Variants in HAUS8 observed in about 807,000 individuals in gnomAD.
The protein encoded by HAUS8 is HAUS augmin-like complex subunit 8.
In HAUS8, 38 loss-of-function variants were observed where a neutral mutation model predicts 42.9. The observed-to-expected ratio is 0.89, with a 90% CI of 0.68 to 1.16. The LOEUF (loss-of-function observed/expected upper bound fraction) is 1.16. Among genes scored for constraint, HAUS8 ranks in the 50% most tolerant of loss-of-function variants. The pLI is 0.00. For missense variants in HAUS8, 494 were observed against 511.6 expected, an observed-to-expected ratio of 0.97 and a Z score of 0.33; for synonymous variants, 199 against 205.8, an observed-to-expected ratio of 0.97 and a Z score of 0.28.
intron 9 of HAUS8, among the ~76,000 whole-genome samples, chr19:17,055,339 C>CAAAAAAAA (rs11315045): frequency 2.0e-5 from 1 of 49,494 alleles, no homozygotes; most frequent in African/African-American, 9.2e-5. Flanking sequence ...GATGCTGTCT[C>CAAAAAAAA]AAAAAAAAAA....
At chr19:17,069,135 A>G (rs1419693733) in intron 2 of HAUS8, 49 bp from the exon 3 acceptor site, 4 of 1,539,656 alleles carry the variant, frequency 2.6e-6, no homozygotes, top group South Asian at 2.3e-5. Flanking sequence ...AGGACCGAAG[A>G]CCCCACACAC....
rs145259544 is a variant in HAUS8, at chr19:17,057,830, G to A, written c.645+719C>T. ...CAAGTTAACATGAGGTGATAGGGGG[G>A]TTGTAGGGGGGATGCTAATCCAACA... is the stretch of plus-strand genomic sequence containing the variant. On this transcript the variant is annotated intron_variant, in intron 8 of 10. Transcript: ENST00000253669. Among the ~76,000 whole-genome samples, 1,017 of 152,286 alleles carry A rather than the reference G, an allele frequency of 6.7e-3. 5 individuals are homozygous for A. Among genetic ancestry groups the A allele is most frequent in the Middle Eastern group, 0.041 (12 of 294 alleles).
In HAUS8 at chr19:17,059,651, T is replaced by C. The variant is rs2057348177; in HGVS notation, c.326A>G (p.Asp109Gly). The C allele has an allele frequency of 1.9e-6, 3 of 1,608,992 alleles. No homozygotes were observed. The South Asian group carries it at 3.3e-5, about 18-fold the overall frequency. Residue 109 changes from aspartate (D) to glycine (G), a missense_variant and splice_region_variant, in exon 6 of 11, where the codon GAC (aspartate) becomes GGC (glycine). Asp to Gly is a moderately conservative substitution (Grantham distance 94). Transcript: ENST00000253669. ...TGGCGTCTTTTTGACGATGCTTTTG[T>C]CTAAGATAAAGCACAGCATTTTTAA... The part of the protein sequence containing the change: ...PPDLDLSAIN[D>G]KSIVKKTPQL...
chr19:17,071,479 G>A (rs946352619), intron 2 of HAUS8, among the ~76,000 whole-genome samples: 2 of 152,138 alleles, frequency 1.3e-5, no homozygotes, highest in African/African-American at 4.8e-5. Flanking sequence ...TGGGGTCCCA[G>A]GGACAACCAG....
At chr19:17,069,326 GAAGT>G (rs2123381318) in intron 2 of HAUS8, among the ~76,000 whole-genome samples, 1 of 152,106 alleles carries the variant, frequency 6.6e-6, no homozygotes, top group South Asian at 2.1e-4. Context: ...AGTTCCTGAG[GAAGT>G]AAGATCAAGG....
At chr19:17,072,757 T>A (rs1307946909) in intron 2 of HAUS8, among the ~76,000 whole-genome samples, 1 of 151,642 alleles carries the variant, frequency 6.6e-6, no homozygotes, top group Non-Finnish European at 1.5e-5. Context: ...CCCAGACCGA[T>A]AGGTGGAAAT....
chr19:17,062,660 GC>G (rs780558925), intron 4 of HAUS8, 37 bp downstream of exon 4: 3 of 1,531,868 alleles, frequency 2.0e-6, no homozygotes, highest in Non-Finnish European at 2.7e-6. Flanking sequence ...ATTTACTGCC[GC>G]GCTCATCACT....
At chr19:17,053,977 T>C (rs2057304464) in intron 9 of HAUS8, among the ~76,000 whole-genome samples, 1 of 152,046 alleles carries the variant, frequency 6.6e-6, no homozygotes, top group Non-Finnish European at 1.5e-5. Context: ...GCAGGAAATT[T>C]CAATAACGAG....
At chr19:17,070,920 A>G (rs1381272569) in intron 2 of HAUS8, among the ~76,000 whole-genome samples, 1 of 152,064 alleles carries the variant, frequency 6.6e-6, no homozygotes, top group Non-Finnish European at 1.5e-5. Flanking sequence ...AACTACAGAA[A>G]TTAGCCAGGC....
At chr19:17,051,535 T>C (rs1185087187) in intron 10 of HAUS8, 5 of 152,040 alleles carry the variant, frequency 3.3e-5, no homozygotes, top group Non-Finnish European at 7.3e-5. Flanking sequence ...CCTGGGACCT[T>C]ACCCTGGAAG....
chr19:17,056,005 G>A lies in HAUS8; in HGVS notation c.646-3C>T, dbSNP rs776784479. 3.1e-6 allele frequency: 5 copies of A among 1,613,838 alleles called. No individual in the cohort carries two copies. In the African/African-American group the frequency reaches 6.7e-5, roughly 22 times the overall value. ...TCGAAGGGGCTGAGCATCTCGATCTGTAAGCAGAAGGGATAATCAGGGGAG... is the reference window on the plus strand; with the variant it reads ...TCGAAGGGGCTGAGCATCTCGATCTATAAGCAGAAGGGATAATCAGGGGAG... On this transcript the variant is annotated splice_polypyrimidine_tract_variant and splice_region_variant and intron_variant, in intron 8 of 10. Coordinates refer to ENST00000253669, the MANE Select transcript of HAUS8 (RefSeq NM_033417.2).
intron 3 of HAUS8, among the ~76,000 whole-genome samples, 183 bp downstream of exon 3, chr19:17,068,848 G>A (rs549529724): frequency 7.9e-5 from 12 of 152,246 alleles, no homozygotes; most frequent in Admixed American, 6.5e-4. Flanking sequence ...GCCATGAGCC[G>A]TCGATGACAG....
At position 17,075,444 on chromosome 19, in the gene HAUS8, G is replaced by A; in HGVS notation, c.-22C>T. 1.9e-6 allele frequency: 3 copies of A among 1,613,142 alleles called. No individual in the cohort carries two copies. Among genetic ancestry groups the A allele is most frequent in the South Asian group, 1.1e-5 (1 of 91,088 alleles). On this transcript the variant is annotated 5_prime_UTR_variant, in exon 1 of 11. Coordinates refer to ENST00000253669, the MANE Select transcript of HAUS8 (RefSeq NM_033417.2). ...CCATTTTCCCGCCTTCCACCTCAAG[G>A]CCCGACCCGCCGGCTTTTCAAAGCC...
At chr19:17,057,677 G>A (rs1005819646) in intron 8 of HAUS8, among the ~76,000 whole-genome samples, 2 of 152,058 alleles carry the variant, frequency 1.3e-5, no homozygotes, top group Non-Finnish European at 2.9e-5. Context: ...CTAGCTGCAC[G>A]GGTGCTCACA....
intron 1 of HAUS8, 52 bp from the exon 2 acceptor site, chr19:17,073,387 G>A (rs2057440477): frequency 6.4e-7 from 1 of 1,555,084 alleles, no homozygotes; most frequent in Non-Finnish European, 8.9e-7. Context: ...AAGAAGCACA[G>A]GGAAGCCGGC....
chr19:17,065,177 G>C (rs146699566), intron 3 of HAUS8, among the ~76,000 whole-genome samples: 18 of 152,330 alleles, frequency 1.2e-4, no homozygotes, highest in African/African-American at 4.3e-4. Context: ...GCTAGAATGT[G>C]AAAGTAACAA....
At chr19:17,072,586 C>G (rs552081268) in intron 2 of HAUS8, among the ~76,000 whole-genome samples, 160 of 152,112 alleles carry the variant, frequency 1.1e-3, no homozygotes, top group African/African-American at 3.7e-3. Flanking sequence ...ATGATCCACC[C>G]ACCTTGGCGC....
chr19:17,062,710 G>A lies in HAUS8; in HGVS notation c.217C>T (p.Gln73Ter). The A allele has an allele frequency of 6.2e-7, 1 of 1,613,982 alleles. No individual in the cohort carries two copies. The highest frequency in any genetic ancestry group is 8.5e-7 in the Non-Finnish European group (1 of 1,179,882). ...GGCTGTTTCGCACCTTTGCTTTTCT[G>A]GAGCAGGCTGGATTTCCTTCCACCT... ...SEGGRKSSLL[Q>*]KSKADSSGVG... Residue 73 changes from glutamine (Q) to a stop codon, truncating the protein, a stop_gained, in exon 4 of 11, where the codon CAG becomes TAG. Coordinates refer to ENST00000253669, the MANE Select transcript of HAUS8 (RefSeq NM_033417.2). LOFTEE classifies it high-confidence loss of function.
intron 2 of HAUS8, among the ~76,000 whole-genome samples, chr19:17,070,319 G>A (rs1273039058): frequency 6.6e-6 from 1 of 151,956 alleles, no homozygotes; most frequent in East Asian, 1.9e-4. Context: ...CACAACCACT[G>A]CTCGTTCCCT....
Sources: gnomAD v4.1 joint callset for allele counts (sites outside exome capture counted in the v4.1 genomes callset) on GRCh38, gnomAD v4.1.1 for gene constraint, MANE v1.5 for transcripts, NCBI Gene and HGNC (gene_info 2026-07-23, HGNC 2026-07-21) for gene names.